The following TMX3 variants were observed in gnomAD, a reference collection of about 807,000 sequenced individuals.
TMX3 encodes the protein thioredoxin related transmembrane protein 3.
Under a neutral mutation model 64.4 loss-of-function variants are expected in TMX3, and 40 were observed. That is an observed-to-expected ratio of 0.62 (90% CI 0.48 to 0.81). The LOEUF (loss-of-function observed/expected upper bound fraction) is 0.81, where lower values mean the gene tolerates loss of function less well. TMX3 is among the 30% of genes least tolerant of loss of function. The probability of loss-of-function intolerance (pLI) is 0.00; values close to 1 mark genes in which losing one functional copy is unlikely to be tolerated. For missense variants in TMX3, 497 were observed against 534.5 expected (o/e 0.93, Z 0.69); for synonymous variants, 189 against 175.7 (o/e 1.08, Z -0.60).
intron 10 of TMX3, among the ~76,000 whole-genome samples, chr18:68,685,781 TA>T (rs535623921): frequency 2.0e-5 from 3 of 152,144 alleles, no homozygotes; most frequent in Admixed American, 1.3e-4. Context: ...TATGCTGCTA[TA>T]AAAAAAATTA....
chr18:68,689,312 G>A (rs151320514), intron 9 of TMX3, among the ~76,000 whole-genome samples: 163 of 151,984 alleles, frequency 1.1e-3, no homozygotes, highest in African/African-American at 3.6e-3. Context: ...CTATAACAGG[G>A]GGATGCTTTC....
chr18:68,711,869 A>G (rs1444961512), intron 2 of TMX3, among the ~76,000 whole-genome samples: 3 of 152,168 alleles, frequency 2.0e-5, no homozygotes, highest in Non-Finnish European at 2.9e-5. Context: ...GAAATATTGG[A>G]TTGAGGAATT....
chr18:68,687,526 C>T (rs1429181128), intron 10 of TMX3, 141 bp downstream of exon 10: 23 of 1,422,520 alleles, frequency 1.6e-5, no homozygotes, highest in Non-Finnish European at 1.8e-5. Flanking sequence ...TTTACATTCT[C>T]GTAAAGAACT....
intron 1 of TMX3, 35 bp downstream of exon 1, chr18:68,714,901 G>T: frequency 6.5e-7 from 1 of 1,548,634 alleles, no homozygotes; most frequent in Admixed American, 2.0e-5. Context: ...GGTCCCACGC[G>T]CCCGCCAGCG....
intron 8 of TMX3, among the ~76,000 whole-genome samples, chr18:68,694,825 A>C (rs1440352724): frequency 6.6e-6 from 1 of 152,220 alleles, no homozygotes; most frequent in African/African-American, 2.4e-5. Flanking sequence ...ATCTACATAC[A>C]TATTGCAGGA....
intron 15 of TMX3, among the ~76,000 whole-genome samples, chr18:68,678,248 A>C (rs1173831717): frequency 6.6e-6 from 1 of 152,096 alleles, no homozygotes; most frequent in South Asian, 2.1e-4. Flanking sequence ...CTAACCAAAA[A>C]ATGTTAGCTA....
intron 8 of TMX3, among the ~76,000 whole-genome samples, chr18:68,695,716 C>A (rs1914996217): frequency 6.6e-6 from 1 of 152,142 alleles, no homozygotes; most frequent in Non-Finnish European, 1.5e-5. Context: ...ACCATCAAGC[C>A]CAAATTTCTT....
intron 8 of TMX3, among the ~76,000 whole-genome samples, chr18:68,695,695 A>T (rs971690661): frequency 6.6e-6 from 1 of 152,158 alleles, no homozygotes; most frequent in African/African-American, 2.4e-5. Context: ...ACTTCTTCCC[A>T]ACCCTCACTA....
rs1178393341 is a variant in TMX3 at position 68,706,666 on chromosome 18, G to GCCAAT, written c.265+3350_265+3354dup. On this transcript the variant is annotated intron_variant, in intron 4 of 15. Coordinates refer to ENST00000299608, the MANE Select transcript of TMX3 (RefSeq NM_019022.5). ...GGCCGCAAGAGGTATCTATGAAACA[G>GCCAAT]CCAATCCTTTAGTGTTCTACAGGTA... Among the ~76,000 whole-genome samples, 29 of 152,260 alleles carry GCCAAT rather than the reference G, an allele frequency of 1.9e-4. 1 individual carries two copies. In the South Asian group the frequency reaches 5.4e-3, roughly 28 times the overall value.
chr18:68,691,179 G>C, intron 9 of TMX3, 116 bp downstream of exon 9: 1 of 587,050 alleles, frequency 1.7e-6, no homozygotes, highest in Non-Finnish European at 2.7e-6. Context: ...TTCAAGTCAT[G>C]AGAACTGTTA....
intron 5 of TMX3, 44 bp downstream of exon 5, chr18:68,701,701 G>A (rs1191164625): frequency 6.2e-7 from 1 of 1,608,816 alleles, no homozygotes; most frequent in East Asian, 2.2e-5. Context: ...TAAGTAGAGT[G>A]AACTAATAAA....
At chr18:68,679,893 G>A (rs910368992) in intron 14 of TMX3, among the ~76,000 whole-genome samples, 4 of 152,150 alleles carry the variant, frequency 2.6e-5, no homozygotes, top group African/African-American at 7.2e-5. Context: ...TGTGCAGGGA[G>A]AGCTTCCCTG....
intron 13 of TMX3, chr18:68,681,646 T>G (rs181864237): frequency 2.9e-5 from 29 of 985,216 alleles, no homozygotes; most frequent in Admixed American, 1.2e-4. Flanking sequence ...TTCACTCCCT[T>G]CCTCGCTCAG....
At chr18:68,692,853 G>A (rs1244322124) in intron 8 of TMX3, among the ~76,000 whole-genome samples, 3 of 152,088 alleles carry the variant, frequency 2.0e-5, no homozygotes, top group Non-Finnish European at 4.4e-5. Context: ...TGCCCACCCA[G>A]GCCCTCTGGG....
chr18:68,700,637 C>T (rs904790501), intron 5 of TMX3, 152 bp from the exon 6 acceptor site: 3 of 1,070,856 alleles, frequency 2.8e-6, no homozygotes, highest in African/African-American at 1.7e-5. Context: ...ATATGGTAGA[C>T]ATTAGGCTTG....
In TMX3 at chr18:68,674,220, A is replaced by G. The variant is rs1912748938; in HGVS notation, c.*2713T>C. 1.3e-5 allele frequency: 2 copies of G among 152,166 alleles called. No homozygotes were observed. The highest frequency in any genetic ancestry group is 2.9e-5 in the Non-Finnish European group (2 of 68,008). 9.4% of individuals were successfully genotyped at this position (152,166 alleles called of 1,614,324 possible). A position where few individuals can be genotyped will look rare whatever the true frequency, so the allele number is the denominator to read the frequency against. On this transcript the variant is annotated 3_prime_UTR_variant, in exon 16 of 16. Coordinates refer to ENST00000299608, the MANE Select transcript of TMX3 (RefSeq NM_019022.5). ...CAACTATGTGAGAAAGAAAATGAAAATTCTAGGTCTAATACATGTTAAACA... is the reference window on the plus strand; with the variant it reads ...CAACTATGTGAGAAAGAAAATGAAAGTTCTAGGTCTAATACATGTTAAACA...
chr18:68,699,033 A>C (rs1029058237), intron 6 of TMX3, among the ~76,000 whole-genome samples: 10 of 152,020 alleles, frequency 6.6e-5, no homozygotes, highest in Admixed American at 1.3e-4. Flanking sequence ...AAAAAAAAAA[A>C]ACCAAAAACT....
At chr18:68,681,405 G>T in intron 13 of TMX3, 1 of 897,690 alleles carries the variant, frequency 1.1e-6, no homozygotes. Flanking sequence ...AATTCCTATG[G>T]GTGGTCTGCA....
At position 68,676,015 on chromosome 18, in the gene TMX3, G is replaced by A. The variant is rs913819680; in HGVS notation, c.*918C>T. On this transcript the variant is annotated 3_prime_UTR_variant, in exon 16 of 16. Coordinates refer to ENST00000299608, the MANE Select transcript of TMX3 (RefSeq NM_019022.5). ...TGGGTGCATACGTACGTATTCTAGA[G>A]TAGAAGTTACCATAAAGTTCACACA... 6.6e-6 allele frequency: 1 copy of A among 152,100 alleles called. No individual in the cohort carries two copies. The highest frequency in any genetic ancestry group is 1.5e-5 in the Non-Finnish European group (1 of 68,014). 9.4% of individuals were successfully genotyped at this position (152,100 alleles called of 1,614,324 possible). A position where few individuals can be genotyped will look rare whatever the true frequency, so the allele number is the denominator to read the frequency against.
Sources: gnomAD v4.1 joint callset for allele counts (sites outside exome capture counted in the v4.1 genomes callset) on GRCh38, gnomAD v4.1.1 for gene constraint, MANE v1.5 for transcripts, NCBI Gene and HGNC (gene_info 2026-07-23, HGNC 2026-07-21) for gene names.